Variants in PTH2R observed in about 807,000 individuals in gnomAD.
The protein encoded by PTH2R is PTH2 receptor.
A neutral mutation model predicts 60.3 loss-of-function variants in PTH2R; 59 were observed. The ratio of observed to expected loss-of-function variants is 0.98; its 90% CI spans 0.79 to 1.22. The LOEUF (loss-of-function observed/expected upper bound fraction) is 1.22. Ranked by LOEUF, PTH2R falls within the 50% of genes most tolerant of loss-of-function variation. The pLI, the probability that PTH2R is intolerant of heterozygous loss-of-function variation, is 0.00. For synonymous variants in PTH2R, 256 were observed against 243.8 expected (o/e 1.05, Z -0.47); for missense variants, 749 against 682.6 (o/e 1.10, Z -1.08).
At chr2:208,419,133 A>G (rs1461377791) in intron 1 of PTH2R, among the ~76,000 whole-genome samples, 2 of 152,224 alleles carry the variant, frequency 1.3e-5, no homozygotes, top group Non-Finnish European at 2.9e-5. Context: ...TTACAGTCCC[A>G]CCAACAGTGT....
intron 10 of PTH2R, among the ~76,000 whole-genome samples, chr2:208,487,129 A>G (rs1268399316): frequency 1.3e-5 from 2 of 152,234 alleles, no homozygotes; most frequent in Non-Finnish European, 2.9e-5. Flanking sequence ...CAAGAGGGTT[A>G]TGATAGGAAA....
chr2:208,365,948 ATATATATATATATTTTTTTTTTTTT>A (rs1700576624), intron 1 of PTH2R, among the ~76,000 whole-genome samples: 1 of 15,498 alleles, frequency 6.5e-5, no homozygotes, highest in African/African-American at 2.0e-4. Flanking sequence ...ATATATATAT[ATATATATATATATTTTTTTTTTTTT>A]TTTTTTTTTT....
chr2:208,366,919 C>T (rs1254750793), intron 1 of PTH2R, among the ~76,000 whole-genome samples: 3 of 152,140 alleles, frequency 2.0e-5, no homozygotes, highest in African/African-American at 7.2e-5. Flanking sequence ...AAGGGAAATG[C>T]TCAGCTGTAA....
intron 2 of PTH2R, among the ~76,000 whole-genome samples, chr2:208,433,105 C>T (rs2105860508): frequency 6.6e-6 from 1 of 152,298 alleles, no homozygotes; most frequent in South Asian, 2.1e-4. Flanking sequence ...GTGCACCAGT[C>T]ACACACCATA....
At chr2:208,478,006 C>G (rs1012320457) in intron 9 of PTH2R, among the ~76,000 whole-genome samples, 1 of 147,102 alleles carries the variant, frequency 6.8e-6, no homozygotes, top group African/African-American at 2.5e-5. Context: ...AGTACTACTA[C>G]TACTAAAATC....
chr2:208,476,168 C>T (rs576400770), intron 9 of PTH2R, among the ~76,000 whole-genome samples: 15 of 152,118 alleles, frequency 9.9e-5, no homozygotes, highest in Admixed American at 9.8e-4. Context: ...AAGAAAGGGA[C>T]AAACAAGGTA....
Position 208,488,526 on chromosome 2 carries a change from G to A in PTH2R, c.1077-486G>A, listed in dbSNP as rs114558924. 7.6e-3 allele frequency among the ~76,000 whole-genome samples: 1,153 copies of A among 152,254 alleles called. 19 individuals carry two copies. Among genetic ancestry groups the A allele is most frequent in the African/African-American group, 0.026 (1,079 of 41,544 alleles). On this transcript the variant is annotated intron_variant, in intron 10 of 12. Coordinates refer to ENST00000272847, the MANE Select transcript of PTH2R (RefSeq NM_005048.4). ...TGTAAATAGACTCCTTTAAGCAAGA[G>A]GAGTGGAAATAAGACTGGAGAGATT...
At chr2:208,417,471 T>C (rs190622846) in intron 1 of PTH2R, among the ~76,000 whole-genome samples, 9 of 152,156 alleles carry the variant, frequency 5.9e-5, no homozygotes, top group Admixed American at 5.9e-4. Context: ...CAGGTCTGTT[T>C]GTTACAATAA....
intron 8 of PTH2R, among the ~76,000 whole-genome samples, chr2:208,457,371 A>G (rs1702535473): frequency 6.6e-6 from 1 of 152,244 alleles, no homozygotes; most frequent in African/African-American, 2.4e-5. Flanking sequence ...TTTCCATGTT[A>G]TTCAAACTTC....
intron 1 of PTH2R, 107 bp downstream of exon 1, chr2:208,407,225 C>A (rs1251275743): frequency 2.1e-6 from 2 of 938,960 alleles, no homozygotes; most frequent in Admixed American, 3.4e-5. Context: ...CATGTTCACA[C>A]GTCCACAAAC....
chr2:208,382,628 C>T (rs752314539), intron 1 of PTH2R, among the ~76,000 whole-genome samples: 37 of 152,310 alleles, frequency 2.4e-4, no homozygotes, highest in Middle Eastern at 3.4e-3. Context: ...ATCCTCCCTA[C>T]TCCTCACAAA....
chr2:208,456,295 T>C (rs1361356741), intron 8 of PTH2R, among the ~76,000 whole-genome samples: 1 of 152,146 alleles, frequency 6.6e-6, no homozygotes, highest in Non-Finnish European at 1.5e-5. Context: ...TCAAGTAGGT[T>C]GGGCAAATTA....
intron 1 of PTH2R, among the ~76,000 whole-genome samples, chr2:208,409,377 A>G (rs1701493456): frequency 6.6e-6 from 1 of 152,208 alleles, no homozygotes; most frequent in South Asian, 2.1e-4. Flanking sequence ...AACCTGGAGT[A>G]TAATAGAGAC....
chr2:208,364,215 T>A (rs1175892703), intron 1 of PTH2R, among the ~76,000 whole-genome samples: 1 of 152,228 alleles, frequency 6.6e-6, no homozygotes. Context: ...CAAAAGTTTT[T>A]ATGTTTGATG....
At chr2:208,370,569 G>A (rs1229086763) in intron 1 of PTH2R, among the ~76,000 whole-genome samples, 1 of 149,788 alleles carries the variant, frequency 6.7e-6, no homozygotes, top group Non-Finnish European at 1.5e-5. Context: ...TGGTTCAACA[G>A]AATATGGACC....
At chr2:208,487,886 A>G (rs559319369) in intron 10 of PTH2R, among the ~76,000 whole-genome samples, 1 of 152,382 alleles carries the variant, frequency 6.6e-6, no homozygotes, top group African/African-American at 2.4e-5. Context: ...ACCAAGCAAG[A>G]GAGCCAGTCT....
chr2:208,463,988 A>T (rs1370372), intron 9 of PTH2R, among the ~76,000 whole-genome samples: 50,354 of 152,186 alleles, frequency 0.33, 9,826 homozygotes, highest in Admixed American at 0.42. Context: ...AAAAGGCTAT[A>T]ACGTTATCTA....
At chr2:208,427,917 C>T (rs1351060987) in intron 1 of PTH2R, among the ~76,000 whole-genome samples, 7 of 150,446 alleles carry the variant, frequency 4.7e-5, no homozygotes, top group Admixed American at 2.6e-4. Flanking sequence ...TATAATATCT[C>T]TTTTTTTTGT....
chr2:208,432,168 T>C (rs973524680), intron 2 of PTH2R, among the ~76,000 whole-genome samples: 3 of 152,218 alleles, frequency 2.0e-5, no homozygotes, highest in African/African-American at 7.2e-5. Flanking sequence ...TATAAACTGT[T>C]GAGCTAGAAG....
Sources: gnomAD v4.1 joint callset for allele counts (sites outside exome capture counted in the v4.1 genomes callset) on GRCh38, gnomAD v4.1.1 for gene constraint, MANE v1.5 for transcripts, NCBI Gene and HGNC (gene_info 2026-07-23, HGNC 2026-07-21) for gene names.